Variants in SRRM4 observed in about 807,000 individuals in gnomAD.
SRRM4 encodes serine/arginine repetitive matrix 4.
In SRRM4, 33 loss-of-function variants were observed where a neutral mutation model predicts 68.9. That is an observed-to-expected ratio of 0.48 (90% CI 0.36 to 0.64). SRRM4 has a LOEUF of 0.64. Ranked by LOEUF, SRRM4 falls within the 30% of genes least tolerant of loss-of-function variation. The pLI is 0.00. For synonymous variants in SRRM4, 318 were observed against 318.8 expected, an observed-to-expected ratio of 1.00 and a Z score of 0.03; for missense variants, 817 against 827.1, an observed-to-expected ratio of 0.99 and a Z score of 0.15.
intron 1 of SRRM4, among the ~76,000 whole-genome samples, chr12:119,002,606 T>C (rs1953391711): frequency 6.6e-6 from 1 of 152,200 alleles, no homozygotes. Flanking sequence ...AAGGTAGATA[T>C]AAGGAACTAT....
chr12:119,156,901 T>C lies in SRRM4; in HGVS notation c.*103T>C. ...TGGTGACAAATAGTGAGGGCTCCTA[T>C]ACCTTGTCCTTCCTGCTTGCCTAGG... On this transcript the variant is annotated 3_prime_UTR_variant, in exon 13 of 13. Transcript: ENST00000267260. The C allele has an allele frequency of 7.5e-7, 1 of 1,339,132 alleles. No individual in the cohort carries two copies. The highest frequency in any genetic ancestry group is 9.9e-7 in the Non-Finnish European group (1 of 1,010,830). The allele number at this position is 1,339,132 out of a possible 1,614,324, so 83.0% of individuals were successfully genotyped here.
At chr12:119,117,441 G>A (rs1364902044) in intron 4 of SRRM4, among the ~76,000 whole-genome samples, 1 of 152,162 alleles carries the variant, frequency 6.6e-6, no homozygotes, top group African/African-American at 2.4e-5. Flanking sequence ...AAATTCCCAA[G>A]GAAATGCCCC....
chr12:119,130,868 T>G lies in SRRM4; in HGVS notation c.771+34T>G. The G allele has an allele frequency of 1.9e-6, 3 of 1,586,464 alleles. No homozygotes were observed. In the South Asian group the frequency reaches 3.4e-5, roughly 18 times the overall value. On this transcript the variant is annotated intron_variant, in intron 8 of 12. Transcript: ENST00000267260. ...TCTTCACAGCCTCCTCTGCCAGCCTTGGCCACGACACTTGGGGAATGTGGA... is the reference window on the plus strand; with the variant it reads ...TCTTCACAGCCTCCTCTGCCAGCCTGGGCCACGACACTTGGGGAATGTGGA...
chr12:119,006,510 C>T lies in SRRM4; in HGVS notation c.131+24497C>T, dbSNP rs189732464. On this transcript the variant is annotated intron_variant, in intron 1 of 12. Transcript: ENST00000267260. ...GACTCCCAGATAGTGCCCTTCTGCT[C>T]CCGACTCCCCATTCCACCCCATTGC... 3.6e-3 allele frequency among the ~76,000 whole-genome samples: 555 copies of T among 152,298 alleles called. 2 individuals are homozygous for T. The highest frequency in any genetic ancestry group is 5.7e-3 in the Non-Finnish European group (389 of 68,022).
intron 8 of SRRM4, among the ~76,000 whole-genome samples, chr12:119,137,364 T>C (rs930727378): frequency 2.6e-5 from 4 of 152,080 alleles, no homozygotes; most frequent in African/African-American, 9.7e-5. Context: ...AATTTTGAAG[T>C]GTAAGTGAGA....
chr12:119,090,211 C>T (rs1303575702), intron 1 of SRRM4, among the ~76,000 whole-genome samples: 1 of 152,042 alleles, frequency 6.6e-6, no homozygotes, highest in African/African-American at 2.4e-5. Context: ...TGGTTAAATA[C>T]TTAACCATCA....
At chr12:119,066,476 A>G (rs2136024116) in intron 1 of SRRM4, among the ~76,000 whole-genome samples, 1 of 152,360 alleles carries the variant, frequency 6.6e-6, no homozygotes, top group South Asian at 2.1e-4. Context: ...CAGCAGAATC[A>G]GCATCATTTG....
At chr12:119,129,389 C>T (rs370194414) in intron 7 of SRRM4, among the ~76,000 whole-genome samples, 19 of 152,046 alleles carry the variant, frequency 1.2e-4, no homozygotes, top group African/African-American at 2.4e-4. Context: ...CAGATCTAGA[C>T]GTGACAAACT....
intron 1 of SRRM4, among the ~76,000 whole-genome samples, chr12:118,995,794 C>T (rs1953345680): frequency 6.6e-6 from 1 of 152,114 alleles, no homozygotes; most frequent in Non-Finnish European, 1.5e-5. Context: ...ACCCATCCAC[C>T]CATCCGTTTA....
intron 1 of SRRM4, among the ~76,000 whole-genome samples, chr12:118,995,188 C>T (rs1953341182): frequency 6.6e-6 from 1 of 152,216 alleles, no homozygotes; most frequent in African/African-American, 2.4e-5. Context: ...GTCACTTAAT[C>T]TGCTCAACTG....
intron 1 of SRRM4, among the ~76,000 whole-genome samples, chr12:118,987,250 G>T (rs1007060862): frequency 6.6e-6 from 1 of 152,132 alleles, no homozygotes; most frequent in African/African-American, 2.4e-5. Flanking sequence ...AAAGAGCATG[G>T]CACTGTGCCT....
intron 1 of SRRM4, among the ~76,000 whole-genome samples, chr12:119,004,567 T>C (rs1953404537): frequency 6.6e-6 from 1 of 151,920 alleles, no homozygotes; most frequent in Middle Eastern, 3.2e-3. Context: ...AGCTCACAGA[T>C]GGATTGAGAG....
intron 1 of SRRM4, among the ~76,000 whole-genome samples, chr12:119,078,302 G>A (rs144967634): frequency 1.3e-5 from 2 of 152,170 alleles, no homozygotes; most frequent in Non-Finnish European, 2.9e-5. Context: ...TTATCATGGG[G>A]CAGAGATACC....
At chr12:119,007,338 G>T (rs77290355) in intron 1 of SRRM4, among the ~76,000 whole-genome samples, 1 of 152,074 alleles carries the variant, frequency 6.6e-6, no homozygotes, top group Non-Finnish European at 1.5e-5. Context: ...ATATTACTGC[G>T]CAGGAGAACA....
intron 1 of SRRM4, among the ~76,000 whole-genome samples, chr12:119,009,330 G>A (rs1313885136): frequency 6.6e-6 from 1 of 152,170 alleles, no homozygotes; most frequent in East Asian, 1.9e-4. Flanking sequence ...AGAAAGGGAT[G>A]GGACGCACAA....
intron 1 of SRRM4, among the ~76,000 whole-genome samples, chr12:119,068,467 G>A (rs936842388): frequency 6.6e-6 from 1 of 152,128 alleles, no homozygotes; most frequent in African/African-American, 2.4e-5. Flanking sequence ...TTCTAACTTG[G>A]TCCCTTCAGC....
At chr12:119,109,645 T>C (rs1954130192) in intron 2 of SRRM4, among the ~76,000 whole-genome samples, 2 of 152,236 alleles carry the variant, frequency 1.3e-5, no homozygotes, top group Non-Finnish European at 2.9e-5. Context: ...CATGTAGTTC[T>C]CGTGCCATGA....
intron 2 of SRRM4, 63 bp from the exon 3 acceptor site, chr12:119,114,215 A>G (rs1318327937): frequency 2.7e-6 from 4 of 1,455,000 alleles, no homozygotes; most frequent in Non-Finnish European, 3.8e-6. Flanking sequence ...TGGCTGCACC[A>G]GCTCTGGTTG....
chr12:119,005,776 A>G (rs1203792686), intron 1 of SRRM4, among the ~76,000 whole-genome samples: 1 of 152,216 alleles, frequency 6.6e-6, no homozygotes, highest in East Asian at 1.9e-4. Flanking sequence ...TACTGTTGTT[A>G]CTATCACTAA....
Sources: allele counts gnomAD v4.1 joint callset (sites outside exome capture counted in the v4.1 genomes callset), GRCh38; gene constraint gnomAD v4.1.1; transcripts MANE v1.5; gene names NCBI Gene and HGNC (gene_info 2026-07-23, HGNC 2026-07-21).